Variants in SLC25A13 observed in about 807,000 individuals in gnomAD.
SLC25A13 encodes electrogenic aspartate/glutamate antiporter SLC25A13, mitochondrial.
A neutral mutation model predicts 85.5 loss-of-function variants in SLC25A13; 70 were observed. The observed-to-expected ratio is 0.82, with a 90% confidence interval of 0.68 to 1.00. The LOEUF (loss-of-function observed/expected upper bound fraction) is 1.00, where lower values mean the gene tolerates loss of function less well. SLC25A13 is among the 50% of genes least tolerant of loss of function. The pLI is 0.00. For synonymous variants in SLC25A13, 259 were observed against 288.7 expected (o/e 0.90, Z 1.04); for missense variants, 765 against 819.8 (o/e 0.93, Z 0.82).
intron 3 of SLC25A13, among the ~76,000 whole-genome samples, chr7:96,258,495 T>C (rs560901298): frequency 1.3e-5 from 2 of 152,154 alleles, no homozygotes; most frequent in East Asian, 3.9e-4. Context: ...TACCTAGGAA[T>C]ACAACTTACA....
In SLC25A13 at chr7:96,275,689, G is replaced by A. The variant is rs1012155296; in HGVS notation, c.212+1507C>T. On this transcript the variant is annotated intron_variant, in intron 3 of 17. Transcript: ENST00000265631. ...CTCATAGATGGGAATTGAACAATGA[G>A]AACACATGGACACAGGAAGGGGAAC... Among the ~76,000 whole-genome samples, 4 of 151,784 alleles carry A rather than the reference G, an allele frequency of 2.6e-5. No homozygotes were observed. The East Asian group carries it at 7.8e-4, about 30-fold the overall frequency.
chr7:96,125,307 G>T (rs1584339958), intron 15 of SLC25A13, among the ~76,000 whole-genome samples: 1 of 152,112 alleles, frequency 6.6e-6, no homozygotes, highest in African/African-American at 2.4e-5. Context: ...GACCAGGCTG[G>T]TCTCGAACTC....
chr7:96,140,090 C>CT (rs1440690615), intron 14 of SLC25A13, among the ~76,000 whole-genome samples: 2 of 148,578 alleles, frequency 1.3e-5, no homozygotes, highest in African/African-American at 2.5e-5. Context: ...TCCCAAGTAG[C>CT]TGGGACTACA....
At chr7:96,294,254 G>A (rs1027622939) in intron 2 of SLC25A13, among the ~76,000 whole-genome samples, 3 of 151,334 alleles carry the variant, frequency 2.0e-5, no homozygotes, top group African/African-American at 7.3e-5. Flanking sequence ...CACAGGAAGG[G>A]GAACATCACA....
intron 5 of SLC25A13, 92 bp from the exon 6 acceptor site, chr7:96,193,275 G>C: frequency 1.4e-6 from 2 of 1,478,042 alleles, no homozygotes; most frequent in Non-Finnish European, 9.2e-7. Flanking sequence ...ACTGAAGAAA[G>C]AGAGTTTACA....
At chr7:96,251,788 C>T (rs1158641742) in intron 3 of SLC25A13, among the ~76,000 whole-genome samples, 2 of 152,196 alleles carry the variant, frequency 1.3e-5, no homozygotes, top group African/African-American at 4.8e-5. Context: ...AGCAGACCTG[C>T]AGGGGTGTGT....
rs200509800 is a variant in SLC25A13, at chr7:96,234,921, C to G, written c.213-4G>C. The G allele has an allele frequency of 1.6e-5, 25 of 1,605,254 alleles. No homozygotes were observed. Among genetic ancestry groups the G allele is most frequent in the Non-Finnish European group, 2.0e-5 (24 of 1,172,602 alleles). ...AAATTCTTGAAAAGATATTAATCTG[C>G]AACATAAAACAAACATAAAGCAAAA... On this transcript the variant is annotated splice_region_variant and splice_polypyrimidine_tract_variant and intron_variant, in intron 3 of 17. Coordinates refer to ENST00000265631, the MANE Select transcript of SLC25A13 (RefSeq NM_014251.3).
chr7:96,133,363 G>C lies in SLC25A13; in HGVS notation c.1453-1482C>G, dbSNP rs1284400382. Among the ~76,000 whole-genome samples the C allele has an allele frequency of 6.6e-5, 10 of 152,180 alleles. No homozygotes were observed. In the South Asian group the frequency reaches 2.1e-3, roughly 32 times the overall value. ...CACCCAAGCTAGTCATTTTAGGCAC[G>C]TACAAACTAACGTCCTGGACAGGTA... On this transcript the variant is annotated intron_variant, in intron 14 of 17. Transcript: ENST00000265631.
Position 96,208,727 on chromosome 7 carries a change from G to A in SLC25A13, c.468+111C>T, listed in dbSNP as rs1269618523. The A allele has an allele frequency of 1.5e-5, 18 of 1,235,754 alleles. No individual in the cohort carries two copies. In the Admixed American group the frequency reaches 2.2e-4, roughly 15 times the overall value. 76.5% of individuals were successfully genotyped at this position (1,235,754 alleles called of 1,614,324 possible). On this transcript the variant is annotated intron_variant, in intron 5 of 17. Coordinates refer to ENST00000265631, the MANE Select transcript of SLC25A13 (RefSeq NM_014251.3). Reference sequence around the variant, plus strand: ...TCACCATGTTGGCCAGGATGGTCTCGATCTCCTGACCTCGTCATCCGCCCA... The same window carrying A: ...TCACCATGTTGGCCAGGATGGTCTCAATCTCCTGACCTCGTCATCCGCCCA...
chr7:96,266,577 C>T (rs1010938029), intron 3 of SLC25A13, among the ~76,000 whole-genome samples: 4 of 152,096 alleles, frequency 2.6e-5, no homozygotes, highest in South Asian at 4.1e-4. Flanking sequence ...AATCAGCACC[C>T]AATCAGCAAT....
chr7:96,192,245 G>A (rs1794882851), intron 6 of SLC25A13, among the ~76,000 whole-genome samples: 4 of 152,126 alleles, frequency 2.6e-5, no homozygotes, highest in Admixed American at 2.6e-4. Context: ...AAACCCAGAT[G>A]ATGGTGAAAA....
intron 5 of SLC25A13, among the ~76,000 whole-genome samples, chr7:96,206,751 G>A (rs574722542): frequency 6.6e-6 from 1 of 152,098 alleles, no homozygotes; most frequent in Non-Finnish European, 1.5e-5. Flanking sequence ...CTTACAAATT[G>A]TTTGGAAACA....
At position 96,170,035 on chromosome 7, in the gene SLC25A13, AG is replaced by A; in HGVS notation, c.1311+9del. 6.2e-7 allele frequency: 1 copy of A among 1,613,614 alleles called. No individual in the cohort carries two copies. Among genetic ancestry groups the A allele is most frequent in the Non-Finnish European group, 8.5e-7 (1 of 1,179,500 alleles). Reference sequence around the variant, plus strand: ...TCTTTTCAATGAAGAGAGCTTCAAAAGGTACTTACGCAGCCTCCAGCAAGAA... The same window carrying A: ...TCTTTTCAATGAAGAGAGCTTCAAAAGTACTTACGCAGCCTCCAGCAAGAA... On this transcript the variant is annotated intron_variant, in intron 13 of 17. Transcript: ENST00000265631.
rs1314981134 is a variant in SLC25A13, at chr7:96,321,886, G to A, written c.15+56C>T. The stretch of plus-strand genomic sequence containing the variant: ...AGACACGTGAGCGCCCGAGCCTCTC[G>A]CACCCCCAGGCTGATCCGGCAGGCG... On this transcript the variant is annotated intron_variant, in intron 1 of 17. Coordinates refer to ENST00000265631, the MANE Select transcript of SLC25A13 (RefSeq NM_014251.3). 8 of 1,492,638 alleles carry A rather than the reference G, an allele frequency of 5.4e-6. No homozygotes were observed. The African/African-American group carries it at 5.8e-5, about 11-fold the overall frequency. The allele number at this position is 1,492,638 out of a possible 1,614,324, so 92.5% of individuals were successfully genotyped here. A position where few individuals can be genotyped will look rare whatever the true frequency, so the allele number is the denominator to read the frequency against.
At chr7:96,188,048 G>A (rs7785067) in intron 9 of SLC25A13, among the ~76,000 whole-genome samples, 1,950 of 152,236 alleles carry the variant, frequency 0.013, 40 homozygotes, top group African/African-American at 0.045. Context: ...GTGGGAAGCC[G>A]CTGCCAGCTG....
chr7:96,321,443 C>A (rs953180539), intron 1 of SLC25A13, among the ~76,000 whole-genome samples: 8 of 152,228 alleles, frequency 5.3e-5, no homozygotes, highest in African/African-American at 1.9e-4. Context: ...GTTTCCAAAA[C>A]GGAAGTCAAA....
intron 8 of SLC25A13, 29 bp downstream of exon 8, chr7:96,189,552 C>CA (rs11335226): frequency 0.023 from 32,996 of 1,409,282 alleles, 2 homozygotes; most frequent in Non-Finnish European, 0.026. Context: ...AAGCTAATTC[C>CA]AAAAAAAAAA....
At chr7:96,233,730 C>A (rs922917628) in intron 4 of SLC25A13, among the ~76,000 whole-genome samples, 14 of 152,202 alleles carry the variant, frequency 9.2e-5, no homozygotes, top group African/African-American at 3.1e-4. Context: ...AGGGGCTAAG[C>A]TTATCTGATT....
intron 5 of SLC25A13, among the ~76,000 whole-genome samples, chr7:96,200,392 T>C (rs1161083146): frequency 2.0e-5 from 3 of 152,246 alleles, no homozygotes; most frequent in Non-Finnish European, 2.9e-5. Flanking sequence ...ATATCCACTT[T>C]ATTTTCATAA....
Sources: allele counts gnomAD v4.1 joint callset (sites outside exome capture counted in the v4.1 genomes callset), GRCh38; gene constraint gnomAD v4.1.1; transcripts MANE v1.5; gene names NCBI Gene and HGNC (gene_info 2026-07-23, HGNC 2026-07-21).